TNFSF13B: variants seen among roughly 807,000 people sequenced by gnomAD.
TNFSF13B encodes the protein TNF superfamily member 13b.
Under a neutral mutation model 29.1 loss-of-function variants are expected in TNFSF13B, and 8 were observed. That is an observed-to-expected ratio of 0.27 (90% CI 0.16 to 0.50). The LOEUF (loss-of-function observed/expected upper bound fraction) is 0.50, where lower values mean the gene tolerates loss of function less well. Ranked by LOEUF, TNFSF13B falls within the 20% of genes least tolerant of loss-of-function variation. TNFSF13B has a pLI of 0.98. For synonymous variants in TNFSF13B, 125 were observed against 130.8 expected (o/e 0.96, Z 0.30); for missense variants, 248 against 334.9 (o/e 0.74, Z 2.03).
At chr13:108,301,411 A>G (rs905218185) in intron 3 of TNFSF13B, 2 of 152,260 alleles carry the variant, frequency 1.3e-5, no homozygotes, top group South Asian at 2.1e-4. Flanking sequence ...GTCCATCTGC[A>G]GATGAATGGA....
At chr13:108,289,949 G>A (rs1378442803) in intron 3 of TNFSF13B, among the ~76,000 whole-genome samples, 2 of 151,780 alleles carry the variant, frequency 1.3e-5, no homozygotes, top group Non-Finnish European at 2.9e-5. Context: ...GCATTCACAC[G>A]TTGCAAAAAA....
At chr13:108,281,643 C>G (rs1880960464) in intron 2 of TNFSF13B, among the ~76,000 whole-genome samples, 1 of 152,156 alleles carries the variant, frequency 6.6e-6, no homozygotes, top group Non-Finnish European at 1.5e-5. Context: ...AGACCCCTCC[C>G]AAGATTGAGA....
chr13:108,275,004 T>C (rs1262038941), intron 2 of TNFSF13B, among the ~76,000 whole-genome samples: 6 of 152,314 alleles, frequency 3.9e-5, no homozygotes, highest in Admixed American at 3.9e-4. Context: ...TTTTTCTTAA[T>C]TACTTTGTGT....
rs1881525128 is a variant in TNFSF13B, at chr13:108,298,825, G to T, written c.482-4428G>T. Among the ~76,000 whole-genome samples, 3 of 145,130 alleles carry T rather than the reference G, an allele frequency of 2.1e-5. 1 individual carries two copies. The highest frequency in any genetic ancestry group is 7.8e-5 in the African/African-American group (3 of 38,482). On this transcript the variant is annotated intron_variant, in intron 3 of 5. Transcript: ENST00000375887. ...CTCTCTACTAAAAATACAAAACTTAGCCCGGCGTAGTGGCACTTGCCTGTA... is the reference window on the plus strand; with the variant it reads ...CTCTCTACTAAAAATACAAAACTTATCCCGGCGTAGTGGCACTTGCCTGTA...
Position 108,270,145 on chromosome 13 carries a change from C to A in TNFSF13B, c.250C>A (p.Gln84Lys). The A allele has an allele frequency of 1.2e-6, 2 of 1,602,120 alleles. No individual in the cohort carries two copies. The highest frequency in any genetic ancestry group is 2.2e-5 in the East Asian group (1 of 44,860). The stretch of plus-strand genomic sequence containing the variant: ...CCTGGCCAGCCTCCGGGCAGAGCTG[C>A]AGGGCCACCACGCGGAGAAGCTGCC... ...GDLASLRAELQGHHAEKLPAG... is the reference protein window; with the variant it reads ...GDLASLRAELKGHHAEKLPAG... Residue 84 changes from glutamine (Q) to lysine (K), a missense_variant, in exon 1 of 6, where the codon CAG (glutamine) becomes AAG (lysine). Around this residue, in one of 2 missense-constraint regions of TNFSF13B, gnomAD observed 186 missense variants for 196.3 expected, o/e 0.95. Transcript: ENST00000375887.
chr13:108,288,421 A>C (rs963430311), intron 3 of TNFSF13B, among the ~76,000 whole-genome samples: 1 of 152,210 alleles, frequency 6.6e-6, no homozygotes, highest in Non-Finnish European at 1.5e-5. Context: ...CAGTTAGGAC[A>C]TCTAACTTAC....
chr13:108,284,747 C>T (rs1044503388), intron 2 of TNFSF13B, among the ~76,000 whole-genome samples: 1 of 152,208 alleles, frequency 6.6e-6, no homozygotes, highest in African/African-American at 2.4e-5. Context: ...GCTTTGTATG[C>T]TCTGATTGAC....
At position 108,284,025 on chromosome 13, in the gene TNFSF13B, G is replaced by C. The variant is rs188639961; in HGVS notation, c.425-2778G>C. ...CTGAAGTTTTTGGGAAACAGAGAAAGGGTGACTTGAAATAGGAAGTCATGG... is the reference window on the plus strand; with the variant it reads ...CTGAAGTTTTTGGGAAACAGAGAAACGGTGACTTGAAATAGGAAGTCATGG... On this transcript the variant is annotated intron_variant, in intron 2 of 5. Transcript: ENST00000375887. Among the ~76,000 whole-genome samples, 14 of 152,266 alleles carry C rather than the reference G, an allele frequency of 9.2e-5. No individual in the cohort carries two copies. The East Asian group carries it at 2.7e-3, about 29-fold the overall frequency.
chr13:108,288,922 T>C (rs1189508643), intron 3 of TNFSF13B, among the ~76,000 whole-genome samples: 13 of 152,186 alleles, frequency 8.5e-5, no homozygotes, highest in African/African-American at 3.1e-4. Flanking sequence ...AATGATTCCC[T>C]GGCATGCTCT....
intron 2 of TNFSF13B, among the ~76,000 whole-genome samples, chr13:108,275,943 A>G (rs140106144): frequency 2.6e-5 from 4 of 152,366 alleles, no homozygotes; most frequent in African/African-American, 9.6e-5. Flanking sequence ...AACACCAAAT[A>G]TTATACCTTA....
Position 108,270,105 on chromosome 13 carries a change from C to T in TNFSF13B, c.210C>T (p.Ala70=). The change falls in exon 1 of 6, where the codon GCC becomes GCT. Residue 70 remains alanine, a synonymous_variant. Coordinates refer to ENST00000375887, the MANE Select transcript of TNFSF13B (RefSeq NM_006573.5). ...CGGTGGTGTCTTTCTACCAGGTGGC[C>T]GCCCTGCAAGGGGACCTGGCCAGCC... ...CLTVVSFYQV[A]ALQGDLASLR... 6.2e-7 allele frequency: 1 copy of T among 1,603,364 alleles called. No homozygotes were observed. The highest frequency in any genetic ancestry group is 8.5e-7 in the Non-Finnish European group (1 of 1,179,950).
chr13:108,283,717 G>A (rs1881030240), intron 2 of TNFSF13B, among the ~76,000 whole-genome samples: 1 of 152,210 alleles, frequency 6.6e-6, no homozygotes, highest in Admixed American at 6.5e-5. Context: ...AGTTCAGGGG[G>A]CCGGAAGTCC....
At position 108,273,152 on chromosome 13, in the gene TNFSF13B, C is replaced by T. The variant is rs1450575636; in HGVS notation, c.424+2728C>T. Among the ~76,000 whole-genome samples, 3 of 152,186 alleles carry T rather than the reference C, an allele frequency of 2.0e-5. No individual in the cohort carries two copies. In the East Asian group the frequency reaches 5.8e-4, roughly 29 times the overall value. On this transcript the variant is annotated intron_variant, in intron 2 of 5. Transcript: ENST00000375887. ...CTAGACTTTTTAATAAACCTTAATA[C>T]AGTGTGCATATAGGTATATATTGCA...
At chr13:108,270,568 A>G (rs915989364) in intron 2 of TNFSF13B, 144 bp downstream of exon 2, 1 of 798,144 alleles carries the variant, frequency 1.3e-6, no homozygotes, top group Non-Finnish European at 2.0e-6. Flanking sequence ...ATTGCTTTAG[A>G]GCAAAGCCCC....
intron 5 of TNFSF13B, among the ~76,000 whole-genome samples, chr13:108,303,929 G>A (rs923462197): frequency 6.6e-6 from 1 of 152,138 alleles, no homozygotes; most frequent in African/African-American, 2.4e-5. Context: ...AAATTCTAAT[G>A]TATTTTCTTC....
At chr13:108,282,575 C>G (rs1400556400) in intron 2 of TNFSF13B, among the ~76,000 whole-genome samples, 2 of 152,090 alleles carry the variant, frequency 1.3e-5, no homozygotes, top group Non-Finnish European at 2.9e-5. Context: ...AAATATTGAT[C>G]AATAGCAAAT....
intron 2 of TNFSF13B, among the ~76,000 whole-genome samples, chr13:108,278,578 C>CCCCTTCTCT (rs1566399256): frequency 6.1e-4 from 1 of 1,646 alleles, no homozygotes; most frequent in East Asian, 0.02. Context: ...ACCCCCTCCT[C>CCCCTTCTCT]TCCTCCTCCT....
chr13:108,284,390 TA>T (rs905862715), intron 2 of TNFSF13B, among the ~76,000 whole-genome samples: 37 of 150,534 alleles, frequency 2.5e-4, no homozygotes, highest in Middle Eastern at 3.5e-3. Flanking sequence ...AAACAAACAA[TA>T]AAAAAAGACA....
rs115122445 is a variant in TNFSF13B at position 108,295,480 on chromosome 13, C to T, written c.482-7773C>T. ...AATGCTGGGATTGCATGTGAGCCAC[C>T]GCACCCAGTCCTTTTTGTACTCTTT... On this transcript the variant is annotated intron_variant, in intron 3 of 5. Transcript: ENST00000375887. Among the ~76,000 whole-genome samples, 738 of 145,310 alleles carry T rather than the reference C, an allele frequency of 5.1e-3. 99 individuals are homozygous for T. The highest frequency in any genetic ancestry group is 0.018 in the African/African-American group (709 of 38,688).
Sources: gnomAD v4.1 joint callset for allele counts (sites outside exome capture counted in the v4.1 genomes callset) on GRCh38, gnomAD v4.1.1 for gene constraint, gnomAD v4.1.1 regional missense constraint, MANE v1.5 for transcripts, NCBI Gene and HGNC (gene_info 2026-07-23, HGNC 2026-07-21) for gene names.